CREBBP: variants seen among roughly 807,000 people sequenced by gnomAD.
CREBBP encodes the protein CREB-binding protein.
A neutral mutation model predicts 265.0 loss-of-function variants in CREBBP; 19 were observed. That is an observed-to-expected ratio of 0.07 (90% CI 0.05 to 0.11). The LOEUF (loss-of-function observed/expected upper bound fraction) is 0.11. CREBBP is among the 10% of genes least tolerant of loss of function. CREBBP has a pLI of 1.00. For synonymous variants in CREBBP, 1,457 were observed against 1,223.7 expected (o/e 1.19, Z -3.98); for missense variants, 2,525 against 3,219.0 (o/e 0.78, Z 5.22).
chr16:3,755,031 G>A (rs1215622905), intron 19 of CREBBP, among the ~76,000 whole-genome samples: 3 of 152,210 alleles, frequency 2.0e-5, no homozygotes, highest in African/African-American at 7.2e-5. Flanking sequence ...ATCGTCTGAG[G>A]AACGCTACGC....
chr16:3,789,196 G>A (rs1411560572), intron 5 of CREBBP, among the ~76,000 whole-genome samples: 2 of 152,160 alleles, frequency 1.3e-5, no homozygotes, highest in African/African-American at 4.8e-5. Flanking sequence ...GGGCCCCTAA[G>A]GCAGTCTCCA....
chr16:3,868,170 C>T (rs2055218263), intron 1 of CREBBP, among the ~76,000 whole-genome samples: 1 of 151,984 alleles, frequency 6.6e-6, no homozygotes, highest in African/African-American at 2.4e-5. Context: ...GACCAGTGAC[C>T]CCAGAAACAG....
At chr16:3,828,079 GCTGA>G (rs1233487145) in intron 2 of CREBBP, among the ~76,000 whole-genome samples, 3 of 151,964 alleles carry the variant, frequency 2.0e-5, no homozygotes. Flanking sequence ...AGCCAGAAAA[GCTGA>G]CTTCTTTTTT....
At chr16:3,868,654 G>A (rs535514704) in intron 1 of CREBBP, among the ~76,000 whole-genome samples, 6 of 152,220 alleles carry the variant, frequency 3.9e-5, no homozygotes, top group African/African-American at 1.4e-4. Flanking sequence ...ATGAGCTCTG[G>A]TGTCCTTCCT....
chr16:3,812,131 C>G (rs997082710), intron 2 of CREBBP, among the ~76,000 whole-genome samples: 3 of 152,016 alleles, frequency 2.0e-5, no homozygotes, highest in African/African-American at 7.3e-5. Context: ...GCGATGGGTA[C>G]AGAGAGGTTA....
intron 3 of CREBBP, among the ~76,000 whole-genome samples, chr16:3,798,815 T>A (rs1414885817): frequency 6.6e-6 from 1 of 152,230 alleles, no homozygotes; most frequent in Non-Finnish European, 1.5e-5. Flanking sequence ...ACATGACCTC[T>A]GCAATTCCTA....
rs2151307425 is a variant in CREBBP at position 3,729,146 on chromosome 16, C to T, written c.5901G>A (p.Gln1967=). ...EAARQIEREA[Q]QQQHLYRVNI... is the part of the protein sequence containing the mutation. ...TCACCCGGTACAGGTGCTGCTGCTGCTGGGCCTCACGCTCGATCTGCCGAG... is the reference window on the plus strand; with the variant it reads ...TCACCCGGTACAGGTGCTGCTGCTGTTGGGCCTCACGCTCGATCTGCCGAG... The change falls in exon 31 of 31, where the codon CAG becomes CAA. Residue 1967 remains glutamine, a synonymous_variant. Transcript: ENST00000262367. 6.7e-7 allele frequency: 1 copy of T among 1,498,968 alleles called. No individual in the cohort carries two copies. The highest frequency in any genetic ancestry group is 2.7e-5 in the East Asian group (1 of 36,558). The allele number at this position is 1,498,968 out of a possible 1,614,324, so 92.9% of individuals were successfully genotyped here.
At chr16:3,858,761 T>A (rs1340288692) in intron 1 of CREBBP, among the ~76,000 whole-genome samples, 1 of 152,218 alleles carries the variant, frequency 6.6e-6, no homozygotes, top group African/African-American at 2.4e-5. Context: ...TCTTTCTCTT[T>A]AAGACTTTTT....
At chr16:3,856,381 G>A (rs1359037710) in intron 1 of CREBBP, among the ~76,000 whole-genome samples, 2 of 152,162 alleles carry the variant, frequency 1.3e-5, no homozygotes. Flanking sequence ...CAGTGAAGTT[G>A]CAGGCTCAAT....
At chr16:3,781,089 T>G in intron 7 of CREBBP, 115 bp downstream of exon 7, 1 of 1,105,322 alleles carries the variant, frequency 9.0e-7, no homozygotes, top group South Asian at 1.3e-5. Flanking sequence ...CATTCACCCC[T>G]CACCACCCCA....
At position 3,749,605 on chromosome 16, in the gene CREBBP, AAAG is replaced by A; in HGVS notation, c.3836+19_3836+21del. 6.4e-7 allele frequency: 1 copy of A among 1,568,340 alleles called. No homozygotes were observed. Among genetic ancestry groups the A allele is most frequent in the Non-Finnish European group, 8.8e-7 (1 of 1,139,948 alleles). On this transcript the variant is annotated intron_variant, in intron 21 of 30. Coordinates refer to ENST00000262367, the MANE Select transcript of CREBBP (RefSeq NM_004380.3). ...ATTTCAAACCAAAACTGAAAGTAAAAAAGAAATAGCTATATACTTACGGTTCGG... is the reference window on the plus strand; with the variant it reads ...ATTTCAAACCAAAACTGAAAGTAAAAAAATAGCTATATACTTACGGTTCGG...
At chr16:3,821,914 C>T (rs1236912142) in intron 2 of CREBBP, among the ~76,000 whole-genome samples, 2 of 152,060 alleles carry the variant, frequency 1.3e-5, no homozygotes, top group African/African-American at 4.8e-5. Flanking sequence ...CCTGTAGCCC[C>T]AGCTACAGGT....
chr16:3,769,064 A>G, intron 15 of CREBBP, 110 bp downstream of exon 15: 1 of 1,275,506 alleles, frequency 7.8e-7, no homozygotes, highest in South Asian at 1.2e-5. Context: ...TTCAAACAGA[A>G]TATTTTAACT....
chr16:3,750,038 C>G (rs1199960442), intron 20 of CREBBP, among the ~76,000 whole-genome samples: 1 of 152,132 alleles, frequency 6.6e-6, no homozygotes, highest in Non-Finnish European at 1.5e-5. Context: ...TAGGCATGCA[C>G]CACCAGGACT....
At chr16:3,848,343 G>C (rs186358200) in intron 2 of CREBBP, among the ~76,000 whole-genome samples, 62 of 152,252 alleles carry the variant, frequency 4.1e-4, no homozygotes, top group Admixed American at 1.2e-3. Flanking sequence ...TTGAAGTGCA[G>C]TCCAGGGTCC....
intron 2 of CREBBP, among the ~76,000 whole-genome samples, chr16:3,816,329 C>T (rs1357990242): frequency 1.3e-5 from 2 of 152,024 alleles, no homozygotes; most frequent in African/African-American, 4.8e-5. Context: ...ATGCATAGTC[C>T]CTGTGTATGA....
chr16:3,725,756 G>A lies in CREBBP; in HGVS notation c.*1962C>T, dbSNP rs2051725551. The A allele has an allele frequency of 4.3e-6, 1 of 233,138 alleles. No homozygotes were observed. Among genetic ancestry groups the A allele is most frequent in the Non-Finnish European group, 8.5e-6 (1 of 118,052 alleles). 14.4% of individuals were successfully genotyped at this position (233,138 alleles called of 1,614,324 possible). A position where few individuals can be genotyped will look rare whatever the true frequency, so the allele number is the denominator to read the frequency against. On this transcript the variant is annotated 3_prime_UTR_variant, in exon 31 of 31. Coordinates refer to ENST00000262367, the MANE Select transcript of CREBBP (RefSeq NM_004380.3). The stretch of plus-strand genomic sequence containing the variant: ...CCTCGAATTCAGATTCCCAAACCAA[G>A]TATTCAGCTATTTAAAACCTATCTG...
At chr16:3,832,555 A>G (rs1261839876) in intron 2 of CREBBP, among the ~76,000 whole-genome samples, 6 of 152,220 alleles carry the variant, frequency 3.9e-5, no homozygotes, top group Non-Finnish European at 8.8e-5. Context: ...GCTGTATGGT[A>G]TAGCCCACTG....
At chr16:3,750,046 A>G (rs1175091354) in intron 20 of CREBBP, among the ~76,000 whole-genome samples, 2 of 152,066 alleles carry the variant, frequency 1.3e-5, no homozygotes, top group Admixed American at 1.3e-4. Flanking sequence ...CACCACCAGG[A>G]CTGGCTAATT....
Sources: allele counts gnomAD v4.1 joint callset (sites outside exome capture counted in the v4.1 genomes callset), GRCh38; gene constraint gnomAD v4.1.1; transcripts MANE v1.5; gene names NCBI Gene and HGNC (gene_info 2026-07-23, HGNC 2026-07-21).